Variants in MTMR3 observed in about 807,000 individuals in gnomAD.
MTMR3 encodes phosphatidylinositol-3,5-bisphosphate 3-phosphatase MTMR3.
Under a neutral mutation model 132.4 loss-of-function variants are expected in MTMR3, and 32 were observed. The observed-to-expected ratio is 0.24, with a 90% confidence interval of 0.18 to 0.32. The LOEUF (loss-of-function observed/expected upper bound fraction) is 0.32. Ranked by LOEUF, MTMR3 falls within the 10% of genes least tolerant of loss-of-function variation. MTMR3 has a pLI of 1.00. For missense variants in MTMR3, 1,216 were observed against 1,489.6 expected (o/e 0.82, Z 3.02); for synonymous variants, 556 against 550.3 (o/e 1.01, Z -0.14).
chr22:29,913,213 A>C (rs1458134428), intron 1 of MTMR3, among the ~76,000 whole-genome samples: 1 of 152,192 alleles, frequency 6.6e-6, no homozygotes, highest in African/African-American at 2.4e-5. Context: ...GCACCACTGC[A>C]CTCTAGCCTG....
chr22:29,925,620 A>G (rs2065500733), intron 1 of MTMR3, among the ~76,000 whole-genome samples: 2 of 151,990 alleles, frequency 1.3e-5, no homozygotes, highest in African/African-American at 4.8e-5. Context: ...CAGTCTTTTA[A>G]AGTACACAAC....
chr22:30,006,189 T>A (rs2067270435), intron 9 of MTMR3: 5 of 152,242 alleles, frequency 3.3e-5, no homozygotes, highest in Admixed American at 3.3e-4. Flanking sequence ...CTAGGAAAAG[T>A]CTGGGTTTTA....
In MTMR3 at chr22:30,027,237, G is replaced by A. The variant is rs2067928102; in HGVS notation, c.*1436G>A. 6.5e-6 allele frequency: 1 copy of A among 152,818 alleles called. No individual in the cohort carries two copies. Among genetic ancestry groups the A allele is most frequent in the Non-Finnish European group, 1.5e-5 (1 of 68,102 alleles). 9.5% of individuals were successfully genotyped at this position (152,818 alleles called of 1,614,324 possible). A position where few individuals can be genotyped will look rare whatever the true frequency, so the allele number is the denominator to read the frequency against. ...CTAACTGGTGACAGGGTGGATCATG[G>A]TGAGGACTAGGGGTAAGGTCAGGGA... On this transcript the variant is annotated 3_prime_UTR_variant, in exon 20 of 20. Transcript: ENST00000401950.
rs145807339 is a variant in MTMR3 at position 29,963,452 on chromosome 22, C to A, written c.-85+6364C>A. On this transcript the variant is annotated intron_variant, in intron 2 of 19. Transcript: ENST00000401950. ...GTCACCAGGCTGGAGGGCAATGGTGCGATCTCGGCTCACTGCAACCTCTGT... is the reference window on the plus strand; with the variant it reads ...GTCACCAGGCTGGAGGGCAATGGTGAGATCTCGGCTCACTGCAACCTCTGT... Among the ~76,000 whole-genome samples, 996 of 145,052 alleles carry A rather than the reference C, an allele frequency of 6.9e-3. 16 individuals are homozygous for A. The highest frequency in any genetic ancestry group is 0.025 in the African/African-American group (957 of 38,786).
chr22:29,950,354 T>A (rs947570633), intron 1 of MTMR3, among the ~76,000 whole-genome samples: 11 of 132,316 alleles, frequency 8.3e-5, no homozygotes, highest in Non-Finnish European at 1.6e-4. Context: ...TTCTGTTTTT[T>A]ATTTTTTTAT....
intron 1 of MTMR3, among the ~76,000 whole-genome samples, chr22:29,933,428 A>G (rs1428104629): frequency 1.3e-5 from 2 of 152,126 alleles, no homozygotes. Context: ...ACAGTTGGCA[A>G]AATATTTCTC....
At chr22:29,940,149 T>G (rs1289036336) in intron 1 of MTMR3, among the ~76,000 whole-genome samples, 1 of 152,116 alleles carries the variant, frequency 6.6e-6, no homozygotes, top group Non-Finnish European at 1.5e-5. Context: ...GCGACTGTAG[T>G]CCCAGCTACT....
chr22:29,993,889 T>C (rs967087180), intron 7 of MTMR3: 1 of 152,728 alleles, frequency 6.5e-6, no homozygotes, highest in African/African-American at 2.4e-5. Flanking sequence ...TGCAAGGGCA[T>C]GTGAGGGGTA....
At chr22:29,930,794 A>G (rs2065626517) in intron 1 of MTMR3, among the ~76,000 whole-genome samples, 1 of 152,298 alleles carries the variant, frequency 6.6e-6, no homozygotes, top group East Asian at 1.9e-4. Context: ...TGAGCCCAGG[A>G]GTTTGAGACC....
At chr22:29,886,849 T>C (rs1200296150) in intron 1 of MTMR3, among the ~76,000 whole-genome samples, 1 of 152,228 alleles carries the variant, frequency 6.6e-6, no homozygotes, top group East Asian at 1.9e-4. Context: ...TAATTTAGTG[T>C]GAAGTCATGA....
At chr22:29,922,207 C>T (rs940759829) in intron 1 of MTMR3, among the ~76,000 whole-genome samples, 5 of 151,828 alleles carry the variant, frequency 3.3e-5, no homozygotes, top group Non-Finnish European at 5.9e-5. Flanking sequence ...TTAGTAGAGA[C>T]GGGGTTTTGC....
intron 18 of MTMR3, 191 bp from the exon 19 acceptor site, chr22:30,022,418 A>G: frequency 1.6e-6 from 1 of 625,620 alleles, no homozygotes; most frequent in Non-Finnish European, 2.9e-6. Flanking sequence ...ACTTTATCTC[A>G]GGGGAGATTG....
intron 1 of MTMR3, among the ~76,000 whole-genome samples, chr22:29,902,171 C>T (rs1307029084): frequency 2.6e-5 from 4 of 152,070 alleles, no homozygotes; most frequent in African/African-American, 9.7e-5. Flanking sequence ...AAAAAGCCCA[C>T]TCTGGAATGA....
chr22:29,901,571 T>C (rs1444642723), intron 1 of MTMR3, among the ~76,000 whole-genome samples: 7 of 152,306 alleles, frequency 4.6e-5, no homozygotes, highest in Non-Finnish European at 1.0e-4. Context: ...CCTCAAAAAA[T>C]TTCCTCATGA....
intron 2 of MTMR3, among the ~76,000 whole-genome samples, chr22:29,969,762 C>A (rs1569029654): frequency 6.6e-6 from 1 of 152,116 alleles, no homozygotes; most frequent in South Asian, 2.1e-4. Flanking sequence ...GAACTCCTGA[C>A]CTCGTGATCT....
intron 1 of MTMR3, among the ~76,000 whole-genome samples, chr22:29,949,917 A>C (rs2145830546): frequency 6.6e-6 from 1 of 152,212 alleles, no homozygotes; most frequent in African/African-American, 2.4e-5. Flanking sequence ...TTTCCATTTG[A>C]TTTAGGCATT....
Position 30,022,593 on chromosome 22 carries a change from C to T in MTMR3, c.3337-16C>T. On this transcript the variant is annotated splice_polypyrimidine_tract_variant and intron_variant, in intron 18 of 19. Coordinates refer to ENST00000401950, the MANE Select transcript of MTMR3 (RefSeq NM_021090.4). ...GCCCATCTCCTGTCAGTAACCTGGT[C>T]CCATCTGTTTTGCAGATGACCCGTT... 6.2e-7 allele frequency: 1 copy of T among 1,607,898 alleles called. No homozygotes were observed. The highest frequency in any genetic ancestry group is 8.5e-7 in the Non-Finnish European group (1 of 1,175,542).
chr22:29,958,081 G>A (rs1423524471), intron 2 of MTMR3, among the ~76,000 whole-genome samples: 1 of 149,480 alleles, frequency 6.7e-6, no homozygotes, highest in Admixed American at 6.7e-5. Context: ...CGAGGATAAG[G>A]CAGGGGATTA....
At chr22:30,023,520 C>T (rs2067822140) in intron 19 of MTMR3, 1 of 1,611,498 alleles carries the variant, frequency 6.2e-7, no homozygotes, top group Non-Finnish European at 8.5e-7. Context: ...GATGTCTGCA[C>T]ATCTACAATA....
Sources: gnomAD v4.1 joint callset for allele counts (sites outside exome capture counted in the v4.1 genomes callset) on GRCh38, gnomAD v4.1.1 for gene constraint, MANE v1.5 for transcripts, NCBI Gene and HGNC (gene_info 2026-07-23, HGNC 2026-07-21) for gene names.